Variants in GPC6 observed in about 807,000 individuals in gnomAD.
GPC6 encodes the protein glypican-6.
Under a neutral mutation model 55.2 loss-of-function variants are expected in GPC6, and 14 were observed. The ratio of observed to expected loss-of-function variants is 0.25; its 90% CI spans 0.17 to 0.40. The LOEUF is 0.40. GPC6 is among the 10% of genes least tolerant of loss of function. The probability of loss-of-function intolerance (pLI) is 1.00; values close to 1 mark genes in which losing one functional copy is unlikely to be tolerated. For missense variants in GPC6, 641 were observed against 708.5 expected (o/e 0.90, Z 1.08); for synonymous variants, 278 against 259.6 (o/e 1.07, Z -0.68).
At chr13:93,979,451 CT>C (rs931169322) in intron 3 of GPC6, among the ~76,000 whole-genome samples, 1 of 150,892 alleles carries the variant, frequency 6.6e-6, no homozygotes. Context: ...TTTCCTGATG[CT>C]TTTTTTTAAT....
chr13:93,593,828 A>G (rs1223441175), intron 2 of GPC6, among the ~76,000 whole-genome samples: 1 of 152,162 alleles, frequency 6.6e-6, no homozygotes, highest in Non-Finnish European at 1.5e-5. Flanking sequence ...ACATGTATGC[A>G]GTGGAATTCA....
At chr13:94,227,837 G>A (rs917420527) in intron 4 of GPC6, among the ~76,000 whole-genome samples, 2 of 152,094 alleles carry the variant, frequency 1.3e-5, no homozygotes, top group Non-Finnish European at 2.9e-5. Context: ...GCCAATCACC[G>A]AGGTAGAAAG....
chr13:93,534,159 G>T, intron 1 of GPC6, among the ~76,000 whole-genome samples: 1 of 152,138 alleles, frequency 6.6e-6, no homozygotes, highest in East Asian at 1.9e-4. Context: ...CAGGAGAATG[G>T]AATGGAAGGC....
chr13:94,112,175 T>G (rs183207672), intron 4 of GPC6, among the ~76,000 whole-genome samples: 26 of 152,290 alleles, frequency 1.7e-4, no homozygotes, highest in African/African-American at 5.3e-4. Context: ...GCCATGTTTT[T>G]TAATGAAGAT....
At chr13:93,454,174 T>TGTTTG (rs1290866161) in intron 1 of GPC6, among the ~76,000 whole-genome samples, 13 of 93,014 alleles carry the variant, frequency 1.4e-4, no homozygotes, top group African/African-American at 4.4e-4. Flanking sequence ...CTGATTGGTG[T>TGTTTG]GTTTACAAAC....
At chr13:93,925,752 C>T (rs1165172496) in intron 3 of GPC6, among the ~76,000 whole-genome samples, 1 of 152,202 alleles carries the variant, frequency 6.6e-6, no homozygotes, top group African/African-American at 2.4e-5. Flanking sequence ...TCTGAGGCCT[C>T]AGCCAGGGTG....
intron 3 of GPC6, among the ~76,000 whole-genome samples, chr13:93,832,662 A>C (rs776016134): frequency 2.6e-5 from 4 of 152,102 alleles, no homozygotes; most frequent in Non-Finnish European, 5.9e-5. Context: ...AGTGTCATTC[A>C]CAACTGCCTA....
chr13:94,261,110 C>G (rs1040082754), intron 4 of GPC6, among the ~76,000 whole-genome samples: 1 of 152,026 alleles, frequency 6.6e-6, no homozygotes. Context: ...CCCATGTCTA[C>G]TAAAAATACA....
chr13:93,316,276 A>G (rs953759728), intron 1 of GPC6, among the ~76,000 whole-genome samples: 1 of 152,042 alleles, frequency 6.6e-6, no homozygotes, highest in Non-Finnish European at 1.5e-5. Context: ...AAGGCAGTCC[A>G]TTGTCCAGAT....
chr13:93,596,331 C>A (rs1877727322), intron 2 of GPC6, among the ~76,000 whole-genome samples: 1 of 151,916 alleles, frequency 6.6e-6, no homozygotes, highest in Admixed American at 6.6e-5. Flanking sequence ...GGAATAAGGA[C>A]CAAGGAGGTG....
At chr13:93,807,100 T>C (rs1342096866) in intron 2 of GPC6, among the ~76,000 whole-genome samples, 1 of 152,226 alleles carries the variant, frequency 6.6e-6, no homozygotes, top group Non-Finnish European at 1.5e-5. Context: ...TTTTGATTTA[T>C]CTTTTTAATC....
intron 1 of GPC6, among the ~76,000 whole-genome samples, chr13:93,298,937 A>G (rs1878587537): frequency 6.7e-6 from 1 of 149,978 alleles, no homozygotes; most frequent in Non-Finnish European, 1.5e-5. Flanking sequence ...ATGGTGTCTC[A>G]TGTAATAGTT....
At chr13:94,281,813 G>T (rs899103539) in intron 4 of GPC6, among the ~76,000 whole-genome samples, 6 of 152,276 alleles carry the variant, frequency 3.9e-5, no homozygotes, top group South Asian at 2.1e-4. Context: ...AGGGAGAAAT[G>T]GTTCCTCACC....
chr13:94,133,923 A>T (rs1019902795), intron 4 of GPC6, among the ~76,000 whole-genome samples: 1 of 152,052 alleles, frequency 6.6e-6, no homozygotes, highest in Non-Finnish European at 1.5e-5. Context: ...ATGAATACAC[A>T]AAAACAGCCT....
At chr13:94,021,070 T>G (rs1882674792) in intron 3 of GPC6, among the ~76,000 whole-genome samples, 1 of 152,096 alleles carries the variant, frequency 6.6e-6, no homozygotes, top group Admixed American at 6.6e-5. Context: ...AATGTGACTG[T>G]ACATTAGAAA....
chr13:94,166,742 T>C (rs1888383303), intron 4 of GPC6, among the ~76,000 whole-genome samples: 1 of 152,216 alleles, frequency 6.6e-6, no homozygotes, highest in African/African-American at 2.4e-5. Flanking sequence ...TAAGCTGTAG[T>C]ACACTGTTGT....
intron 1 of GPC6, among the ~76,000 whole-genome samples, chr13:93,497,074 G>A (rs1323814323): frequency 3.3e-5 from 5 of 152,154 alleles, no homozygotes; most frequent in African/African-American, 7.2e-5. Context: ...TGATGCCCTC[G>A]TGCTGCTGCA....
At chr13:94,289,279 T>A (rs998458912) in intron 5 of GPC6, among the ~76,000 whole-genome samples, 4 of 152,138 alleles carry the variant, frequency 2.6e-5, no homozygotes, top group African/African-American at 4.8e-5. Context: ...ACTTCTGTAA[T>A]AGTTACACTG....
At chr13:93,968,992 G>C (rs1880168041) in intron 3 of GPC6, among the ~76,000 whole-genome samples, 1 of 152,102 alleles carries the variant, frequency 6.6e-6, no homozygotes, top group East Asian at 1.9e-4. Flanking sequence ...AAAGATCCAG[G>C]CATCTCCTGA....
Sources: allele counts gnomAD v4.1 joint callset (sites outside exome capture counted in the v4.1 genomes callset), GRCh38; gene constraint gnomAD v4.1.1; transcripts MANE v1.5; gene names NCBI Gene and HGNC (gene_info 2026-07-23, HGNC 2026-07-21).